TSHZ2: variants seen among roughly 807,000 people sequenced by gnomAD.
TSHZ2 encodes teashirt homolog 2.
A neutral mutation model predicts 74.4 loss-of-function variants in TSHZ2; 21 were observed. The ratio of observed to expected loss-of-function variants is 0.28; its 90% CI spans 0.20 to 0.41. The LOEUF (loss-of-function observed/expected upper bound fraction) is 0.41. Ranked by LOEUF, TSHZ2 falls within the 10% of genes least tolerant of loss-of-function variation. The pLI is 1.00. For synonymous variants in TSHZ2, 540 were observed against 515.3 expected, an observed-to-expected ratio of 1.05 and a Z score of -0.65; for missense variants, 1,244 against 1,293.5, an observed-to-expected ratio of 0.96 and a Z score of 0.59.
chr20:53,039,140 C>T (rs1415646238), intron 1 of TSHZ2, among the ~76,000 whole-genome samples: 5 of 151,878 alleles, frequency 3.3e-5, no homozygotes, highest in African/African-American at 1.2e-4. Context: ...CCCACTTCCA[C>T]CTCCCTACAC....
At chr20:53,032,255 A>G (rs1265228007) in intron 1 of TSHZ2, among the ~76,000 whole-genome samples, 1 of 152,218 alleles carries the variant, frequency 6.6e-6, no homozygotes, top group African/African-American at 2.4e-5. Flanking sequence ...TGACACGTTT[A>G]TAGCTGACGA....
chr20:53,258,987 A>T lies in TSHZ2; in HGVS notation c.*8+2416A>T, dbSNP rs16997823. Among the ~76,000 whole-genome samples, 609 of 152,288 alleles carry T rather than the reference A, an allele frequency of 4.0e-3. 3 individuals are homozygous for T. Among genetic ancestry groups the T allele is most frequent in the African/African-American group, 0.014 (576 of 41,548 alleles). On this transcript the variant is annotated intron_variant, in intron 2 of 2. Coordinates refer to ENST00000371497, the MANE Select transcript of TSHZ2 (RefSeq NM_173485.6). ...CGTAAAAATACTCCTATCTGCCTGA[A>T]TGTTTCCCCCATCTGTACAAAGGTC...
chr20:53,032,040 G>A (rs1983659141), intron 1 of TSHZ2, among the ~76,000 whole-genome samples: 1 of 152,194 alleles, frequency 6.6e-6, no homozygotes, highest in South Asian at 2.1e-4. Flanking sequence ...AAAGGATTTA[G>A]TTATGGGTCT....
intron 1 of TSHZ2, chr20:53,185,810 A>G: frequency 2.6e-6 from 3 of 1,157,252 alleles, no homozygotes; most frequent in Non-Finnish European, 3.6e-6. Flanking sequence ...TGCTTGTATC[A>G]GTAATTTAAT....
rs1555833023 is a variant in TSHZ2 at position 53,175,159 on chromosome 20, T to TC, written c.41-78339dup. 2.3e-4 allele frequency among the ~76,000 whole-genome samples: 31 copies of TC among 134,150 alleles called. 1 individual carries two copies. Among genetic ancestry groups the TC allele is most frequent in the African/African-American group, 6.2e-4 (21 of 33,912 alleles). The allele number at this position is 134,150 out of a possible 152,430, so 88.0% of individuals were successfully genotyped here. On this transcript the variant is annotated intron_variant, in intron 1 of 2. Transcript: ENST00000371497. ...TTTTTTTTTTTTTTTTTTTTTTTTT[T>TC]CAACGGAGTTTTGCTCTTGTTGCCC...
chr20:52,991,537 T>C (rs894288335), intron 1 of TSHZ2, among the ~76,000 whole-genome samples: 2 of 150,810 alleles, frequency 1.3e-5, no homozygotes, highest in African/African-American at 4.9e-5. Context: ...GTGTGGATTA[T>C]GTATGTTGTG....
chr20:53,476,127 G>A (rs1444573863), intron 2 of TSHZ2, among the ~76,000 whole-genome samples: 1 of 144,490 alleles, frequency 6.9e-6, no homozygotes, highest in African/African-American at 2.6e-5. Flanking sequence ...CCAATCAATA[G>A]AAAAAGAGAG....
chr20:53,416,690 T>C (rs1210941988), intron 2 of TSHZ2, among the ~76,000 whole-genome samples: 2 of 152,234 alleles, frequency 1.3e-5, no homozygotes, highest in African/African-American at 4.8e-5. Flanking sequence ...GCCAACCCCA[T>C]GATCTCCCAT....
chr20:53,349,651 C>A (rs1205476405), intron 2 of TSHZ2, among the ~76,000 whole-genome samples: 676 of 133,052 alleles, frequency 5.1e-3, no homozygotes, highest in Non-Finnish European at 5.2e-3. Flanking sequence ...GACCCCACCT[C>A]AAAAAAAAAA....
intron 2 of TSHZ2, among the ~76,000 whole-genome samples, chr20:53,482,278 C>G (rs1309690713): frequency 6.6e-6 from 1 of 152,134 alleles, no homozygotes; most frequent in Non-Finnish European, 1.5e-5. Context: ...GGCCCAACAT[C>G]TTTACATCTC....
chr20:53,085,062 TA>T (rs1985655249), intron 1 of TSHZ2, among the ~76,000 whole-genome samples: 1 of 152,004 alleles, frequency 6.6e-6, no homozygotes, highest in Non-Finnish European at 1.5e-5. Context: ...GTGCATTTGT[TA>T]AATAAGAAAA....
At chr20:53,336,215 G>A (rs1208810769) in intron 2 of TSHZ2, among the ~76,000 whole-genome samples, 1 of 152,184 alleles carries the variant, frequency 6.6e-6, no homozygotes, top group African/African-American at 2.4e-5. Context: ...GAGAGAAGGT[G>A]AGGGCATCAG....
intron 1 of TSHZ2, among the ~76,000 whole-genome samples, chr20:53,243,583 C>T (rs879912496): frequency 1.3e-5 from 2 of 152,100 alleles, no homozygotes; most frequent in South Asian, 4.1e-4. Flanking sequence ...GAGAGTCCAA[C>T]ATGAAGAAGA....
intron 2 of TSHZ2, among the ~76,000 whole-genome samples, chr20:53,312,583 C>G (rs567247062): frequency 6.6e-4 from 101 of 152,302 alleles, no homozygotes; most frequent in Non-Finnish European, 1.3e-3. Flanking sequence ...CTCTATCTCT[C>G]TAAAAGAATT....
At chr20:53,415,828 A>G (rs1041827008) in intron 2 of TSHZ2, among the ~76,000 whole-genome samples, 8 of 97,840 alleles carry the variant, frequency 8.2e-5, no homozygotes, top group Non-Finnish European at 1.4e-4. Context: ...ACACGCACAC[A>G]CAGGCATGAC....
At chr20:53,008,839 C>T (rs951762959) in intron 1 of TSHZ2, among the ~76,000 whole-genome samples, 5 of 152,114 alleles carry the variant, frequency 3.3e-5, no homozygotes, top group African/African-American at 1.2e-4. Context: ...AAGTCTTATA[C>T]ATATTATGTT....
intron 2 of TSHZ2, among the ~76,000 whole-genome samples, chr20:53,351,297 A>G (rs1403550834): frequency 2.0e-5 from 3 of 152,184 alleles, no homozygotes; most frequent in African/African-American, 7.2e-5. Flanking sequence ...TGCATGGTTA[A>G]AAACTGGGGA....
intron 2 of TSHZ2, among the ~76,000 whole-genome samples, chr20:53,261,371 TG>T (rs1684550057): frequency 1.3e-5 from 2 of 152,198 alleles, no homozygotes; most frequent in Non-Finnish European, 2.9e-5. Context: ...ATTATACATT[TG>T]CCATATGGTG....
At chr20:53,012,056 G>C (rs1982871808) in intron 1 of TSHZ2, among the ~76,000 whole-genome samples, 1 of 152,176 alleles carries the variant, frequency 6.6e-6, no homozygotes, top group South Asian at 2.1e-4. Context: ...TGGTTTCAAA[G>C]CCAGTGTTCT....
Sources: allele counts gnomAD v4.1 joint callset (sites outside exome capture counted in the v4.1 genomes callset), GRCh38; gene constraint gnomAD v4.1.1; transcripts MANE v1.5; gene names NCBI Gene and HGNC (gene_info 2026-07-23, HGNC 2026-07-21).